DNASE1: variants seen among roughly 807,000 people sequenced by gnomAD.
DNASE1 encodes deoxyribonuclease 1.
DNASE1 carries 40 observed loss-of-function variants against 33.9 expected under a neutral mutation model. The ratio of observed to expected loss-of-function variants is 1.18; its 90% CI spans 0.92 to 1.54. The LOEUF is 1.54. Ranked by LOEUF, DNASE1 falls within the 40% of genes most tolerant of loss-of-function variation. The pLI is 0.00. For missense variants in DNASE1, 518 were observed against 372.6 expected, an observed-to-expected ratio of 1.39 and a Z score of -3.21; for synonymous variants, 216 against 160.0, an observed-to-expected ratio of 1.35 and a Z score of -2.64.
At chr16:3,646,787 C>T (rs1484394971) in intron 1 of DNASE1, among the ~76,000 whole-genome samples, 11 of 151,962 alleles carry the variant, frequency 7.2e-5, no homozygotes, top group South Asian at 2.1e-4. Context: ...GCAGTGATGA[C>T]GGGTGGTATG....
chr16:3,612,171 GC>G (rs1473419288), intron 1 of DNASE1, among the ~76,000 whole-genome samples: 1 of 152,214 alleles, frequency 6.6e-6, no homozygotes, highest in African/African-American at 2.4e-5. Flanking sequence ...GTTTGCCATG[GC>G]TTGGTATTTG....
chr16:3,664,743 C>T, exon 10 of DNASE1: 1 of 398,502 alleles, frequency 2.5e-6, no homozygotes, highest in Non-Finnish European at 4.5e-6. Context: ...GGACCCCACC[C>T]AACAGCAGAG....
intron 1 of DNASE1, among the ~76,000 whole-genome samples, chr16:3,624,603 T>G (rs979257045): frequency 6.6e-6 from 1 of 152,174 alleles, no homozygotes; most frequent in Non-Finnish European, 1.5e-5. Flanking sequence ...CATCCGAACA[T>G]CTAGACAGGC....
intron 1 of DNASE1, among the ~76,000 whole-genome samples, chr16:3,625,419 G>A (rs1466500166): frequency 6.6e-6 from 1 of 151,970 alleles, no homozygotes; most frequent in Non-Finnish European, 1.5e-5. Context: ...ATGGTTCAAG[G>A]CCAGCCTGGG....
chr16:3,615,179 AG>A (rs2041057153), intron 1 of DNASE1, among the ~76,000 whole-genome samples: 1 of 152,148 alleles, frequency 6.6e-6, no homozygotes, highest in South Asian at 2.1e-4. Context: ...CTCAAGATTG[AG>A]AAGCACTGCA....
chr16:3,634,884 C>G (rs184370500), intron 1 of DNASE1, among the ~76,000 whole-genome samples: 1 of 152,246 alleles, frequency 6.6e-6, no homozygotes, highest in East Asian at 1.9e-4. Context: ...TGGCTATTCA[C>G]AAGTGCAATC....
rs909969864 is a variant in DNASE1 at position 3,655,731 on chromosome 16, A to G, written c.148-118A>G. ...TGGCAGCAGGAGCCCAGGCAGAAACATGAGGCTGCGGTTAAACCGAGCAAT... is the reference window on the plus strand; with the variant it reads ...TGGCAGCAGGAGCCCAGGCAGAAACGTGAGGCTGCGGTTAAACCGAGCAAT... On this transcript the variant is annotated intron_variant, in intron 2 of 8. Transcript: ENST00000246949. 1.6e-5 allele frequency: 23 copies of G among 1,441,282 alleles called. No individual in the cohort carries two copies. In the East Asian group the frequency reaches 4.8e-4, roughly 30 times the overall value. 89.3% of individuals were successfully genotyped at this position (1,441,282 alleles called of 1,614,324 possible).
At chr16:3,625,480 A>C (rs2151168357) in intron 1 of DNASE1, among the ~76,000 whole-genome samples, 1 of 152,246 alleles carries the variant, frequency 6.6e-6, no homozygotes, top group Non-Finnish European at 1.5e-5. Flanking sequence ...AAATAAAATT[A>C]GCCAGCATGG....
Position 3,654,888 on chromosome 16 carries a change from G to A in DNASE1, c.-158G>A. 2 of 433,548 alleles carry A rather than the reference G, an allele frequency of 4.6e-6. No individual in the cohort carries two copies. Among genetic ancestry groups the A allele is most frequent in the Admixed American group, 7.8e-5 (2 of 25,618 alleles). The allele number at this position is 433,548 out of a possible 1,614,324, so 26.9% of individuals were successfully genotyped here. A position where few individuals can be genotyped will look rare whatever the true frequency, so the allele number is the denominator to read the frequency against. Reference sequence around the variant, plus strand: ...CTGCCTGTGCAGGATCCGGAGCCCAGCAGCACTGCCAGGGCCTTGAAGTGC... The same window carrying A: ...CTGCCTGTGCAGGATCCGGAGCCCAACAGCACTGCCAGGGCCTTGAAGTGC... On this transcript the variant is annotated 5_prime_UTR_variant, in exon 1 of 9. Coordinates refer to ENST00000246949, the MANE Select transcript of DNASE1 (RefSeq NM_005223.4).
intron 7 of DNASE1, 30 bp downstream of exon 7, chr16:3,657,371 T>A: frequency 3.7e-6 from 6 of 1,608,454 alleles, no homozygotes; most frequent in Non-Finnish European, 5.1e-6. Flanking sequence ...TAGGGCAGAC[T>A]GAGGGCACCT....
upstream of DNASE1, chr16:3,641,207 G>T: frequency 2.7e-6 from 1 of 367,694 alleles, no homozygotes; most frequent in Non-Finnish European, 4.8e-6. Context: ...GTGGGCCACA[G>T]GGGAGGAGCT....
downstream of DNASE1, chr16:3,661,831 G>A (rs1294131493): frequency 3.1e-6 from 3 of 962,118 alleles, no homozygotes; most frequent in South Asian, 5.3e-5. Context: ...CATTTCACAT[G>A]GGTGCAGCCT....
At chr16:3,612,205 A>C (rs1210857536) in intron 1 of DNASE1, among the ~76,000 whole-genome samples, 1 of 151,564 alleles carries the variant, frequency 6.6e-6, no homozygotes, top group Non-Finnish European at 1.5e-5. Flanking sequence ...CATCGTATTA[A>C]GGGTTTGAGC....
upstream of DNASE1, among the ~76,000 whole-genome samples, chr16:3,640,292 T>A (rs1222811197): frequency 2.0e-5 from 3 of 152,226 alleles, no homozygotes; most frequent in African/African-American, 7.2e-5. Flanking sequence ...CTGCAGATCC[T>A]GGCTCTGCCT....
upstream of DNASE1, among the ~76,000 whole-genome samples, chr16:3,642,454 A>T (rs779978801): frequency 6.6e-6 from 1 of 152,110 alleles, no homozygotes; most frequent in Non-Finnish European, 1.5e-5. Context: ...AGTAGGGGCA[A>T]CCAGCAGCCG....
In DNASE1 at chr16:3,655,510, A is replaced by G; in HGVS notation, c.137A>G (p.Tyr46Cys). ...ATGTCCAATGCCACCCTCGTCAGCT[A>G]CATTGTGCAGGTGAGGCCAGGGCAG... The part of the protein sequence containing the change: ...TKMSNATLVS[Y>C]IVQILSRYDI... The change falls in exon 2 of 9, where the codon TAC becomes TGC. Residue 46 changes from tyrosine to cysteine, a missense_variant. Physicochemically the swap from Tyr to Cys is radical, Grantham distance 194. Transcript: ENST00000246949. 6.2e-7 allele frequency: 1 copy of G among 1,614,130 alleles called. No homozygotes were observed. Among genetic ancestry groups the G allele is most frequent in the Non-Finnish European group, 8.5e-7 (1 of 1,180,028 alleles).
At chr16:3,640,120 A>G (rs1404639308), upstream of DNASE1, among the ~76,000 whole-genome samples, 1 of 152,176 alleles carries the variant, frequency 6.6e-6, no homozygotes, top group South Asian at 2.1e-4. Context: ...ACGAATTAGG[A>G]GATCTCTCCA....
At chr16:3,651,485 C>T (rs1482904174), upstream of DNASE1, 4 of 152,236 alleles carry the variant, frequency 2.6e-5, no homozygotes, top group African/African-American at 9.6e-5. Flanking sequence ...TGGGCATTCC[C>T]CAGGCCTATC....
At chr16:3,627,291 T>C (rs2041543442) in intron 1 of DNASE1, among the ~76,000 whole-genome samples, 1 of 151,390 alleles carries the variant, frequency 6.6e-6, no homozygotes, top group African/African-American at 2.4e-5. Context: ...TTTTTTTTTT[T>C]AGACAGGGTG....
Sources: gnomAD v4.1 joint callset for allele counts (sites outside exome capture counted in the v4.1 genomes callset) on GRCh38, gnomAD v4.1.1 for gene constraint, MANE v1.5 for transcripts, NCBI Gene and HGNC (gene_info 2026-07-23, HGNC 2026-07-21) for gene names.